TMC3: variants seen among roughly 807,000 people sequenced by gnomAD.
The protein encoded by TMC3 is transmembrane channel like 3.
TMC3 carries 98 observed loss-of-function variants against 110.6 expected under a neutral mutation model. The ratio of observed to expected loss-of-function variants is 0.89; its 90% CI spans 0.75 to 1.05. The LOEUF (loss-of-function observed/expected upper bound fraction) is 1.05. TMC3 is among the 50% of genes least tolerant of loss of function. The pLI is 0.00. For missense variants in TMC3, 1,319 were observed against 1,373.2 expected, an observed-to-expected ratio of 0.96 and a Z score of 0.62; for synonymous variants, 489 against 513.1, an observed-to-expected ratio of 0.95 and a Z score of 0.63.
At chr15:81,345,715 C>CAA (rs557634217) in intron 12 of TMC3, among the ~76,000 whole-genome samples, 6 of 150,130 alleles carry the variant, frequency 4.0e-5, no homozygotes, top group African/African-American at 1.5e-4. Context: ...ATAAAAAATA[C>CAA]AAAAAAAAAT....
intron 7 of TMC3, among the ~76,000 whole-genome samples, chr15:81,357,047 G>T (rs920824024): frequency 2.6e-5 from 4 of 152,130 alleles, no homozygotes; most frequent in Admixed American, 1.3e-4. Flanking sequence ...ATATTTGAAG[G>T]CAGGAGTCAT....
intron 3 of TMC3, among the ~76,000 whole-genome samples, chr15:81,364,270 G>T (rs1436305566): frequency 1.3e-5 from 2 of 152,062 alleles, no homozygotes; most frequent in Non-Finnish European, 2.9e-5. Context: ...GGGAATAAGA[G>T]TCTATGCAAG....
chr15:81,358,392 T>A lies in TMC3; in HGVS notation c.600+10A>T, dbSNP rs762015167. 6.2e-7 allele frequency: 1 copy of A among 1,610,892 alleles called. No individual in the cohort carries two copies. Among genetic ancestry groups the A allele is most frequent in the East Asian group, 2.2e-5 (1 of 44,856 alleles). On this transcript the variant is annotated intron_variant, in intron 6 of 21. Coordinates refer to ENST00000359440, the MANE Select transcript of TMC3 (RefSeq NM_001080532.3). ...CTCAAGACAAGAGTGTGGCCAAGCA[T>A]CAATCTCACCCCCAGAGACCAGACG...
intron 18 of TMC3, 97 bp from the exon 19 acceptor site, chr15:81,338,021 T>C (rs1596079412): frequency 3.1e-6 from 3 of 974,484 alleles, no homozygotes; most frequent in Non-Finnish European, 4.9e-6. Flanking sequence ...AATGAGAGGC[T>C]CCCAGGCCAG....
chr15:81,336,710 T>C, intron 19 of TMC3, 59 bp from the exon 20 acceptor site: 1 of 1,548,580 alleles, frequency 6.5e-7, no homozygotes, highest in Non-Finnish European at 8.9e-7. Context: ...GTAACAAATA[T>C]TATTCCTGGG....
rs1165031786 is a variant in TMC3, at chr15:81,349,587, C to T, written c.1084-20G>A. 7.9e-6 allele frequency: 11 copies of T among 1,400,626 alleles called. No homozygotes were observed. The Admixed American group carries it at 2.3e-4, about 29-fold the overall frequency. The allele number at this position is 1,400,626 out of a possible 1,614,324, so 86.8% of individuals were successfully genotyped here. A position where few individuals can be genotyped will look rare whatever the true frequency, so the allele number is the denominator to read the frequency against. On this transcript the variant is annotated intron_variant, in intron 10 of 21. Coordinates refer to ENST00000359440, the MANE Select transcript of TMC3 (RefSeq NM_001080532.3). The stretch of plus-strand genomic sequence containing the variant: ...ACTGACCTGCTGAGAGAGCACATGC[C>T]AGAGCCAGACATTCCCAGGACCCCC...
intron 3 of TMC3, among the ~76,000 whole-genome samples, chr15:81,364,903 C>T (rs1009750471): frequency 4.0e-5 from 6 of 150,284 alleles, no homozygotes; most frequent in African/African-American, 1.2e-4. Context: ...CTTAATGTCA[C>T]GAATTTTTTG....
chr15:81,363,348 A>C (rs541519402), intron 3 of TMC3, among the ~76,000 whole-genome samples: 6 of 152,374 alleles, frequency 3.9e-5, no homozygotes, highest in Admixed American at 3.9e-4. Flanking sequence ...ATGCCCTGAC[A>C]CTAGTTCTGC....
Position 81,341,440 on chromosome 15 carries a change from C to T in TMC3, c.1794G>A (p.Trp598Ter), listed in dbSNP as rs1893712533. ...GGGGCACATTGCAGGTCAGCACAGC[C>T]CAGCTTCTCAGGTACATGAGCCCAA... is the stretch of plus-strand genomic sequence containing the variant. ...KLIGLMYLRS[W>*]AVLTCNVPHQ... The change falls in exon 16 of 22, where the codon TGG becomes TGA. Residue 598 changes from tryptophan to a stop codon, truncating the protein, a stop_gained. Coordinates refer to ENST00000359440, the MANE Select transcript of TMC3 (RefSeq NM_001080532.3). LOFTEE classifies it high-confidence loss of function. 1 of 1,611,814 alleles carries T rather than the reference C, an allele frequency of 6.2e-7. No homozygotes were observed.
In TMC3 at chr15:81,356,595, C is replaced by T. The variant is rs769747611; in HGVS notation, c.744-1G>A. 1.2e-5 allele frequency: 19 copies of T among 1,586,246 alleles called. No homozygotes were observed. The highest frequency in any genetic ancestry group is 4.0e-5 in the African/African-American group (3 of 74,344). On this transcript the variant is annotated splice_acceptor_variant, in intron 7 of 21. Coordinates refer to ENST00000359440, the MANE Select transcript of TMC3 (RefSeq NM_001080532.3). LOFTEE classifies it high-confidence loss of function. ...ACTCGTGCGGGAGTTCTTAGCCATC[C>T]TGCAAAAGAGGAGCACAAACAGGTC...
intron 9 of TMC3, 134 bp downstream of exon 9, chr15:81,355,591 C>A: frequency 1.5e-6 from 1 of 675,322 alleles, no homozygotes; most frequent in South Asian, 1.8e-5. Context: ...TCCCTCAGAT[C>A]ACATTATGAG....
Position 81,343,364 on chromosome 15 carries a change from T to G in TMC3, c.1648-19A>C. 1.9e-6 allele frequency: 3 copies of G among 1,570,994 alleles called. No homozygotes were observed. The highest frequency in any genetic ancestry group is 2.6e-6 in the Non-Finnish European group (3 of 1,140,788). ...ATTCAGGCTACAAGAGAAAATAAACTTGTGCATTAAACAAGTTCCAAAGTT... is the reference window on the plus strand; with the variant it reads ...ATTCAGGCTACAAGAGAAAATAAACGTGTGCATTAAACAAGTTCCAAAGTT... On this transcript the variant is annotated intron_variant, in intron 14 of 21. Transcript: ENST00000359440.
In TMC3 at chr15:81,339,289, A is replaced by G. The variant is rs186933443; in HGVS notation, c.1955+105T>C. On this transcript the variant is annotated intron_variant, in intron 17 of 21. Transcript: ENST00000359440. ...AAACATGCGGGTTTGCAATCTTTCT[A>G]TCCTGTTTACCTGCTCTGTGAGCTT... The G allele has an allele frequency of 1.4e-4, 121 of 882,998 alleles. No individual in the cohort carries two copies. The African/African-American group carries it at 1.8e-3, about 13-fold the overall frequency. The allele number at this position is 882,998 out of a possible 1,614,324, so 54.7% of individuals were successfully genotyped here.
At chr15:81,339,333 A>G in intron 17 of TMC3, 61 bp downstream of exon 17, 4 of 1,249,982 alleles carry the variant, frequency 3.2e-6, no homozygotes, top group South Asian at 1.3e-5. Flanking sequence ...ATTCAGTTCA[A>G]TATGATCTAA....
chr15:81,368,849 CTGAT>C lies in TMC3; in HGVS notation c.237-525_237-522del, dbSNP rs1190400975. On this transcript the variant is annotated intron_variant, in intron 2 of 21. Coordinates refer to ENST00000359440, the MANE Select transcript of TMC3 (RefSeq NM_001080532.3). ...TCACCCCAAACAAACTTCTAACACACTGATTGATCACTCTTGAATTAACCTGATA... is the reference window on the plus strand; with the variant it reads ...TCACCCCAAACAAACTTCTAACACACTGATCACTCTTGAATTAACCTGATA... Among the ~76,000 whole-genome samples the C allele has an allele frequency of 2.0e-5, 3 of 152,334 alleles. No individual in the cohort carries two copies. The East Asian group carries it at 5.8e-4, about 29-fold the overall frequency.
In TMC3 at chr15:81,349,461, G is replaced by A; in HGVS notation, c.1190C>T (p.Ala397Val). 1 of 1,508,492 alleles carries A rather than the reference G, an allele frequency of 6.6e-7. No individual in the cohort carries two copies. The highest frequency in any genetic ancestry group is 1.4e-5 in the South Asian group (1 of 73,550). 93.4% of individuals were successfully genotyped at this position (1,508,492 alleles called of 1,614,324 possible). Residue 397 changes from alanine (A) to valine (V), a missense_variant, in exon 11 of 22, where the codon GCA (alanine) becomes GTA (valine). By Grantham distance (64) the Ala-to-Val change is moderately conservative (BLOSUM62 0). Coordinates refer to ENST00000359440, the MANE Select transcript of TMC3 (RefSeq NM_001080532.3). ...HPRTTLRFQL[A>V]RVLVLYLGNL... The stretch of plus-strand genomic sequence containing the variant: ...TTTCTGGGCAGGACTGTTGTACCTT[G>A]CAAGCTGGAAGCGCAGCGTGGTCCT...
At chr15:81,340,742 A>G (rs905383555) in intron 16 of TMC3, among the ~76,000 whole-genome samples, 1 of 152,224 alleles carries the variant, frequency 6.6e-6, no homozygotes, top group African/African-American at 2.4e-5. Flanking sequence ...GTGTCCCAGC[A>G]ATTGCATTCC....
At position 81,361,929 on chromosome 15, in the gene TMC3, G is replaced by C. The variant is rs187860310; in HGVS notation, c.394+291C>G. 1.9e-5 allele frequency: 4 copies of C among 205,258 alleles called. No homozygotes were observed. The East Asian group carries it at 4.6e-4, about 23-fold the overall frequency. The allele number at this position is 205,258 out of a possible 1,614,324, so 12.7% of individuals were successfully genotyped here. On this transcript the variant is annotated intron_variant, in intron 4 of 21. Coordinates refer to ENST00000359440, the MANE Select transcript of TMC3 (RefSeq NM_001080532.3). ...TATTCATCCTCATAGGTTTTCACTTGATCCTTTCGGGGTTTGCATTATATC... is the reference window on the plus strand; with the variant it reads ...TATTCATCCTCATAGGTTTTCACTTCATCCTTTCGGGGTTTGCATTATATC...
chr15:81,359,450 G>C lies in TMC3; in HGVS notation c.416C>G (p.Ala139Gly). The stretch of plus-strand genomic sequence containing the variant: ...CCATCTCAAGAATATGAAATAGGAG[G>C]CAACGCCAGATCCAAAATGACCTAA... Reference protein sequence around the residue: ...KIESHFGSGVASYFIFLRWLF... With the variant: ...KIESHFGSGVGSYFIFLRWLF... Residue 139 changes from alanine to glycine, a missense_variant, in exon 5 of 22, where the codon GCC becomes GGC. By Grantham distance (60) the Ala-to-Gly change is moderately conservative. Transcript: ENST00000359440. 1 of 1,598,048 alleles carries C rather than the reference G, an allele frequency of 6.3e-7. No homozygotes were observed. Among genetic ancestry groups the C allele is most frequent in the South Asian group, 1.1e-5 (1 of 87,282 alleles).
Sources: allele counts gnomAD v4.1 joint callset (sites outside exome capture counted in the v4.1 genomes callset), GRCh38; gene constraint gnomAD v4.1.1; transcripts MANE v1.5; gene names NCBI Gene and HGNC (gene_info 2026-07-23, HGNC 2026-07-21).